Variants in ASTE1 observed in about 807,000 individuals in gnomAD.
The protein encoded by ASTE1 is single-strand DNA endonuclease ASTE1.
Under a neutral mutation model 45.8 loss-of-function variants are expected in ASTE1, and 49 were observed. That is an observed-to-expected ratio of 1.07 (90% CI 0.85 to 1.36). ASTE1 has a LOEUF of 1.36. ASTE1 is among the 40% of genes most tolerant of loss of function. The probability of loss-of-function intolerance (pLI) is 0.00; values close to 1 mark genes in which losing one functional copy is unlikely to be tolerated. For synonymous variants in ASTE1, 296 were observed against 303.9 expected (o/e 0.97, Z 0.27); for missense variants, 709 against 804.0 (o/e 0.88, Z 1.43).
chr3:131,024,623 A>C lies in ASTE1; in HGVS notation c.684T>G (p.Asn228Lys). The change falls in exon 3 of 6, where the codon AAT becomes AAG. Residue 228 changes from asparagine (N) to lysine (K), a missense_variant. Physicochemically the swap from Asn to Lys is moderately conservative, Grantham distance 94. Coordinates refer to ENST00000264992, the MANE Select transcript of ASTE1 (RefSeq NM_014065.4). The stretch of plus-strand genomic sequence containing the variant: ...TTAAGAATGTCTCCATGATGGGTAG[A>C]TTAACATGGTCATTTCCACATAGCA... ...FAVLCGNDHVNLPIMETFLSK... is the reference protein window; with the variant it reads ...FAVLCGNDHVKLPIMETFLSK... The C allele has an allele frequency of 1.9e-6, 3 of 1,605,304 alleles. No homozygotes were observed. Among genetic ancestry groups the C allele is most frequent in the Non-Finnish European group, 2.6e-6 (3 of 1,175,286 alleles).
At chr3:131,018,138 G>A (rs2063688402) in intron 4 of ASTE1, among the ~76,000 whole-genome samples, 1 of 152,204 alleles carries the variant, frequency 6.6e-6, no homozygotes, top group African/African-American at 2.4e-5. Flanking sequence ...AGTTTCTTGT[G>A]ATGACGTTGC....
chr3:131,016,166 G>A lies in ASTE1; in HGVS notation c.1687C>T (p.Leu563Phe). The change falls in exon 5 of 6, where the codon CTC (leucine) becomes TTC (phenylalanine). Residue 563 changes from leucine to phenylalanine, a missense_variant. By Grantham distance (22) the Leu-to-Phe change is conservative (BLOSUM62 0). Coordinates refer to ENST00000264992, the MANE Select transcript of ASTE1 (RefSeq NM_014065.4). The stretch of plus-strand genomic sequence containing the variant: ...TACCGAGTTAGGTCTGGCTCTGGGA[G>A]AGGAGTGGACAGCAGCTGGTTGAGA... ...MYLNQLLSTP[L>F]PEPDLTRLYS... 6.2e-7 allele frequency: 1 copy of A among 1,614,046 alleles called. No individual in the cohort carries two copies. The highest frequency in any genetic ancestry group is 8.5e-7 in the Non-Finnish European group (1 of 1,180,020).
At chr3:131,019,651 G>A (rs1336086562) in intron 3 of ASTE1, among the ~76,000 whole-genome samples, 1 of 152,202 alleles carries the variant, frequency 6.6e-6, no homozygotes, top group Non-Finnish European at 1.5e-5. Flanking sequence ...TATTCCTAGT[G>A]TCTGCACACA....
Position 131,016,230 on chromosome 3 carries a change from G to T in ASTE1, c.1623C>A (p.Ile541=). 1.2e-6 allele frequency: 2 copies of T among 1,614,168 alleles called. No homozygotes were observed. The highest frequency in any genetic ancestry group is 8.5e-7 in the Non-Finnish European group (1 of 1,180,022). The change falls in exon 5 of 6, where the codon ATC becomes ATA. Residue 541 remains isoleucine (I), a synonymous_variant. Transcript: ENST00000264992. The stretch of plus-strand genomic sequence containing the variant: ...GGAGACAGGACTGCCACTGACAGAA[G>T]ATGTGAGCTGTGTCTAAGTCCAGTC... ...GTRLDLDTAH[I]FCQWQSCLQM...
chr3:131,024,197 C>G lies in ASTE1; in HGVS notation c.1110G>C (p.Gln370His), dbSNP rs1403948240. ...GCCCATAGATGATTTGCCTGATGGG[C>G]TGAGATATTCTGTGGGCATTTGGTT... Reference protein sequence around the residue: ...MQQPNAHRISQPIRQIIYGLL... With the variant: ...MQQPNAHRISHPIRQIIYGLL... Residue 370 changes from glutamine to histidine, a missense_variant, in exon 3 of 6, where the codon CAG becomes CAC. By Grantham distance (24) the Gln-to-His change is conservative (BLOSUM62 0). Transcript: ENST00000264992. 16 of 1,614,022 alleles carry G rather than the reference C, an allele frequency of 9.9e-6. No homozygotes were observed. Among genetic ancestry groups the G allele is most frequent in the African/African-American group, 1.3e-5 (1 of 74,928 alleles).
rs1281691171 is a variant in ASTE1 at position 131,024,688 on chromosome 3, A to G, written c.619T>C (p.Phe207Leu). The change falls in exon 3 of 6, where the codon TTC becomes CTC. Residue 207 changes from phenylalanine to leucine, a missense_variant. Physicochemically the swap from Phe to Leu is conservative, Grantham distance 22. Transcript: ENST00000264992. ...CFSLDAFCHH[F>L]SNMNKALLPL... The stretch of plus-strand genomic sequence containing the variant: ...AGTAGAGCTTTATTCATATTGCTGA[A>G]GTGATGGCAGAATGCATCAAGGGAA... 9 of 1,596,536 alleles carry G rather than the reference A, an allele frequency of 5.6e-6. No individual in the cohort carries two copies. The highest frequency in any genetic ancestry group is 7.7e-6 in the Non-Finnish European group (9 of 1,171,436).
intron 3 of ASTE1, among the ~76,000 whole-genome samples, chr3:131,021,986 T>C (rs1313994113): frequency 2.0e-5 from 3 of 152,208 alleles, no homozygotes; most frequent in African/African-American, 7.2e-5. Context: ...TGAGACTGAC[T>C]TACGCTCCAC....
Position 131,019,565 on chromosome 3 carries a change from G to C in ASTE1, c.1303-849C>G, listed in dbSNP as rs187320276. Among the ~76,000 whole-genome samples, 15 of 152,330 alleles carry C rather than the reference G, an allele frequency of 9.8e-5. No homozygotes were observed. The East Asian group carries it at 2.9e-3, about 29-fold the overall frequency. On this transcript the variant is annotated intron_variant, in intron 3 of 5. Transcript: ENST00000264992. ...TAAGAACCAGAATGGGGACCTTACAGGTCATGCACTCAGGAATATTAAAAG... is the reference window on the plus strand; with the variant it reads ...TAAGAACCAGAATGGGGACCTTACACGTCATGCACTCAGGAATATTAAAAG...
At chr3:131,016,741 A>G in intron 4 of ASTE1, 2 of 327,622 alleles carry the variant, frequency 6.1e-6, no homozygotes, top group East Asian at 1.6e-4. Context: ...TTTGTGTTAA[A>G]GAAACAACCT....
At chr3:131,017,313 C>G (rs1051768943) in intron 4 of ASTE1, among the ~76,000 whole-genome samples, 1 of 152,206 alleles carries the variant, frequency 6.6e-6, no homozygotes, top group African/African-American at 2.4e-5. Context: ...CTGTTTCATT[C>G]TTTTATCTAA....
chr3:131,023,940 G>T, intron 3 of ASTE1, 65 bp downstream of exon 3: 2 of 1,462,860 alleles, frequency 1.4e-6, no homozygotes, highest in Non-Finnish European at 1.8e-6. Context: ...AACTAATATA[G>T]AAGACAGCAC....
Position 131,016,964 on chromosome 3 carries a change from T to C in ASTE1, c.1514-625A>G, listed in dbSNP as rs79945219. The stretch of plus-strand genomic sequence containing the variant: ...TGCACAAAATAACATCTGGACCAAT[T>C]TGAAAATAATAAAAAGGAGGCCCAC... On this transcript the variant is annotated intron_variant, in intron 4 of 5. Coordinates refer to ENST00000264992, the MANE Select transcript of ASTE1 (RefSeq NM_014065.4). The C allele has an allele frequency of 2.9e-3, 3,662 of 1,284,726 alleles. 50 individuals carry two copies. The African/African-American group carries it at 0.037, about 13-fold the overall frequency. 79.6% of individuals were successfully genotyped at this position (1,284,726 alleles called of 1,614,324 possible).
intron 4 of ASTE1, chr3:131,016,593 G>C: frequency 2.0e-6 from 1 of 499,776 alleles, no homozygotes; most frequent in Non-Finnish European, 3.6e-6. Flanking sequence ...CTTTTCCACT[G>C]GTCTACTACC....
In ASTE1 at chr3:131,014,201, C is replaced by G; in HGVS notation, c.1896G>C (p.Arg632Ser). Residue 632 changes from arginine (R) to serine (S), a missense_variant, in exon 6 of 6, where the codon AGG (arginine) becomes AGC (serine). Arg to Ser is a moderately radical substitution (Grantham distance 110, BLOSUM62 -1). Coordinates refer to ENST00000264992, the MANE Select transcript of ASTE1 (RefSeq NM_014065.4). ...PKGRSNSKKK[R>S]QKKQNTSCSK... ...AACAGCTGGTATTCTGTTTCTTCTG[C>G]CTTTTTTTTTTTGAATTTGATCTAC... is the stretch of plus-strand genomic sequence containing the variant. The G allele has an allele frequency of 6.2e-7, 1 of 1,612,990 alleles. No homozygotes were observed. Among genetic ancestry groups the G allele is most frequent in the East Asian group, 2.2e-5 (1 of 44,864 alleles).
chr3:131,016,029 T>G (rs763985184), intron 5 of ASTE1, 115 bp downstream of exon 5: 90 of 1,309,252 alleles, frequency 6.9e-5, no homozygotes, highest in African/African-American at 1.2e-4. Context: ...TAAGATTAGT[T>G]TTTTTTTGTT....
At chr3:131,021,782 C>G (rs1373567804) in intron 3 of ASTE1, among the ~76,000 whole-genome samples, 1 of 152,138 alleles carries the variant, frequency 6.6e-6, no homozygotes, top group Non-Finnish European at 1.5e-5. Flanking sequence ...CATCTCAAAA[C>G]TCATCAAAGT....
chr3:131,018,052 G>A lies in ASTE1; in HGVS notation c.1513+454C>T, dbSNP rs1014814275. Among the ~76,000 whole-genome samples the A allele has an allele frequency of 6.7e-5, 10 of 150,200 alleles. No homozygotes were observed. The South Asian group carries it at 2.1e-3, about 32-fold the overall frequency. ...TACATACTAATTGAAACCTACAGCA[G>A]AGAAAAAGGAATAAAAAGATGTATA... On this transcript the variant is annotated intron_variant, in intron 4 of 5. Coordinates refer to ENST00000264992, the MANE Select transcript of ASTE1 (RefSeq NM_014065.4).
chr3:131,016,589 CACTGGTCTACT>C, intron 4 of ASTE1: 1 of 509,074 alleles, frequency 2.0e-6, no homozygotes, highest in Non-Finnish European at 3.5e-6. Flanking sequence ...AGATCTTTTC[CACTGGTCTACT>C]ACCTGACCAT....
chr3:131,022,696 T>A (rs118085327), intron 3 of ASTE1, among the ~76,000 whole-genome samples: 7 of 152,030 alleles, frequency 4.6e-5, no homozygotes, highest in African/African-American at 1.4e-4. Flanking sequence ...AAAGAAACCC[T>A]GGGGGTTTAA....
Sources: gnomAD v4.1 joint callset for allele counts (sites outside exome capture counted in the v4.1 genomes callset) on GRCh38, gnomAD v4.1.1 for gene constraint, MANE v1.5 for transcripts, NCBI Gene and HGNC (gene_info 2026-07-23, HGNC 2026-07-21) for gene names.